DNAJC10: variants seen among roughly 807,000 people sequenced by gnomAD.
DNAJC10 encodes the protein endoplasmic reticulum disulfide reductase DNAJC10.
Under a neutral mutation model 115.0 loss-of-function variants are expected in DNAJC10, and 101 were observed. That is an observed-to-expected ratio of 0.88 (90% CI 0.75 to 1.04). DNAJC10 has a LOEUF of 1.04. DNAJC10 is among the 50% of genes least tolerant of loss of function. The pLI, the probability that DNAJC10 is intolerant of heterozygous loss-of-function variation, is 0.00. For synonymous variants in DNAJC10, 307 were observed against 301.5 expected (o/e 1.02, Z -0.19); for missense variants, 981 against 928.8 (o/e 1.06, Z -0.73).
chr2:182,743,139 G>T (rs551345453), intron 13 of DNAJC10, among the ~76,000 whole-genome samples: 1 of 152,148 alleles, frequency 6.6e-6, no homozygotes, highest in Non-Finnish European at 1.5e-5. Context: ...GAGCCAATGC[G>T]CCTGGCCCTT....
At chr2:182,758,944 C>A (rs1694224576) in intron 20 of DNAJC10, 54 bp downstream of exon 20, 2 of 1,329,584 alleles carry the variant, frequency 1.5e-6, no homozygotes, top group East Asian at 2.3e-5. Flanking sequence ...GCCATTTACC[C>A]CCCTTTTATA....
rs140586538 is a variant in DNAJC10, at chr2:182,725,012, A to G, written c.418+2937A>G. Among the ~76,000 whole-genome samples the G allele has an allele frequency of 3.8e-3, 581 of 152,254 alleles. 4 individuals are homozygous for G. Among genetic ancestry groups the G allele is most frequent in the African/African-American group, 0.013 (545 of 41,570 alleles). On this transcript the variant is annotated intron_variant, in intron 5 of 23. Transcript: ENST00000264065. ...TAGCAACCCTACATCAAGCGAGTCTATCAGCTGAACGTGTTTCCAATAGCA... is the reference window on the plus strand; with the variant it reads ...TAGCAACCCTACATCAAGCGAGTCTGTCAGCTGAACGTGTTTCCAATAGCA...
chr2:182,731,198 A>G, intron 9 of DNAJC10, 91 bp downstream of exon 9: 2 of 838,438 alleles, frequency 2.4e-6, no homozygotes, highest in East Asian at 2.6e-5. Context: ...TTGATTATTA[A>G]GTACTAGAAA....
intron 1 of DNAJC10, among the ~76,000 whole-genome samples, chr2:182,716,788 CTCTGCAGTGATGGCAAT>C (rs1553486013): frequency 1.3e-5 from 2 of 152,214 alleles, no homozygotes; most frequent in Non-Finnish European, 2.9e-5. Context: ...CCCTCTCCCA[CTCTGCAGTGATGGCAAT>C]GCGAAAGCTT....
chr2:182,727,578 A>G (rs563754616), intron 5 of DNAJC10, among the ~76,000 whole-genome samples: 3 of 152,328 alleles, frequency 2.0e-5, no homozygotes, highest in East Asian at 1.9e-4. Context: ...TTTGCCTGTA[A>G]TGTGTAGATT....
At chr2:182,727,557 G>A (rs1014753326) in intron 5 of DNAJC10, among the ~76,000 whole-genome samples, 1 of 151,830 alleles carries the variant, frequency 6.6e-6, no homozygotes, top group Non-Finnish European at 1.5e-5. Context: ...CCATAGTCCT[G>A]AATTACACAC....
At chr2:182,730,295 T>C (rs1417546857) in intron 8 of DNAJC10, among the ~76,000 whole-genome samples, 5 of 152,200 alleles carry the variant, frequency 3.3e-5, no homozygotes, top group African/African-American at 1.2e-4. Context: ...AATTTTAAAG[T>C]TTAAAAATGC....
At chr2:182,769,529 G>A (rs931041990) in intron 22 of DNAJC10, among the ~76,000 whole-genome samples, 5 of 152,212 alleles carry the variant, frequency 3.3e-5, no homozygotes, top group Admixed American at 1.3e-4. Flanking sequence ...TAACTGGTGT[G>A]AGATGGTATC....
intron 22 of DNAJC10, among the ~76,000 whole-genome samples, chr2:182,771,202 G>A (rs1467292835): frequency 1.3e-5 from 2 of 152,144 alleles, no homozygotes; most frequent in Non-Finnish European, 2.9e-5. Context: ...GCTGGATTCA[G>A]TTTGCCAGTA....
intron 5 of DNAJC10, among the ~76,000 whole-genome samples, chr2:182,726,914 G>A (rs893343723): frequency 6.6e-6 from 1 of 151,880 alleles, no homozygotes; most frequent in Non-Finnish European, 1.5e-5. Flanking sequence ...TAGAGACAGG[G>A]TCTTGCTGTG....
chr2:182,733,875 G>A (rs773530457), intron 10 of DNAJC10, among the ~76,000 whole-genome samples: 49 of 151,028 alleles, frequency 3.2e-4, no homozygotes, highest in Non-Finnish European at 5.8e-4. Flanking sequence ...CTAAGACTTC[G>A]TTCTTTGAAG....
rs1251439447 is a variant in DNAJC10, at chr2:182,784,316, C to CCTGT, written c.*7187_*7190dup. ...TCCAGCCTGGGTGACGGAGTAAGACCCTGTCTAAAAAAAAACAAAACAACA... is the reference window on the plus strand; with the variant it reads ...TCCAGCCTGGGTGACGGAGTAAGACCCTGTCTGTCTAAAAAAAAACAAAACAACA... On this transcript the variant is annotated 3_prime_UTR_variant, in exon 24 of 24. Coordinates refer to ENST00000264065, the MANE Select transcript of DNAJC10 (RefSeq NM_018981.4). 1 of 151,780 alleles carries CCTGT rather than the reference C, an allele frequency of 6.6e-6. No homozygotes were observed. Among genetic ancestry groups the CCTGT allele is most frequent in the Non-Finnish European group, 1.5e-5 (1 of 67,972 alleles). 9.4% of individuals were successfully genotyped at this position (151,780 alleles called of 1,614,324 possible).
intron 22 of DNAJC10, among the ~76,000 whole-genome samples, chr2:182,765,094 T>C (rs1694376634): frequency 6.6e-6 from 1 of 152,122 alleles, no homozygotes; most frequent in South Asian, 2.1e-4. Flanking sequence ...TTGTGTAGCT[T>C]CATTAGAGAC....
chr2:182,768,674 C>T (rs1694478598), intron 22 of DNAJC10, among the ~76,000 whole-genome samples: 1 of 152,158 alleles, frequency 6.6e-6, no homozygotes, highest in South Asian at 2.1e-4. Flanking sequence ...CTGACCTGTT[C>T]CTTCCCCTGC....
chr2:182,775,490 C>T (rs1694683436), intron 23 of DNAJC10, 70 bp downstream of exon 23: 4 of 842,136 alleles, frequency 4.7e-6, no homozygotes, highest in African/African-American at 1.7e-5. Context: ...TTTTCCTATA[C>T]ATTACATGCA....
rs576665056 is a variant in DNAJC10 at position 182,777,864 on chromosome 2, T to G, written c.*732T>G. 2 of 152,238 alleles carry G rather than the reference T, an allele frequency of 1.3e-5. No homozygotes were observed. The highest frequency in any genetic ancestry group is 4.2e-4 in the South Asian group (2 of 4,812). The allele number at this position is 152,238 out of a possible 1,614,324, so 9.4% of individuals were successfully genotyped here. A position where few individuals can be genotyped will look rare whatever the true frequency, so the allele number is the denominator to read the frequency against. The stretch of plus-strand genomic sequence containing the variant: ...TATGTGCACACAGTAAGTACACAAA[T>G]TTGAGCAACAGTAAGTGCACAAATT... On this transcript the variant is annotated 3_prime_UTR_variant, in exon 24 of 24. Transcript: ENST00000264065.
chr2:182,730,968 T>G (rs1203658739), intron 8 of DNAJC10, 62 bp from the exon 9 acceptor site: 4 of 1,115,390 alleles, frequency 3.6e-6, no homozygotes, highest in Non-Finnish European at 5.3e-6. Flanking sequence ...CTTAGAAGAC[T>G]GTTTCCATTA....
chr2:182,747,225 G>GT (rs1415707104), intron 14 of DNAJC10, among the ~76,000 whole-genome samples: 1 of 150,694 alleles, frequency 6.6e-6, no homozygotes, highest in African/African-American at 2.4e-5. Context: ...CTCTTTTTTG[G>GT]TTCCATATGA....
chr2:182,716,274 A>G lies in DNAJC10; in HGVS notation c.-413A>G, dbSNP rs1244458846. On this transcript the variant is annotated 5_prime_UTR_variant, in exon 1 of 24. Transcript: ENST00000264065. ...GGCCCCGCCCCGGCTCGCCGTGGAGACCGGCGCGTGAGGAACCTACCGGTA... is the reference window on the plus strand; with the variant it reads ...GGCCCCGCCCCGGCTCGCCGTGGAGGCCGGCGCGTGAGGAACCTACCGGTA... The G allele has an allele frequency of 6.6e-6, 1 of 152,292 alleles. No individual in the cohort carries two copies. The allele number at this position is 152,292 out of a possible 1,614,324, so 9.4% of individuals were successfully genotyped here. A position where few individuals can be genotyped will look rare whatever the true frequency, so the allele number is the denominator to read the frequency against.
Sources: allele counts gnomAD v4.1 joint callset (sites outside exome capture counted in the v4.1 genomes callset), GRCh38; gene constraint gnomAD v4.1.1; transcripts MANE v1.5; gene names NCBI Gene and HGNC (gene_info 2026-07-23, HGNC 2026-07-21).